B3GNT2: variants seen among roughly 807,000 people sequenced by gnomAD.
The protein encoded by B3GNT2 is N-acetyllactosaminide beta-1,3-N-acetylglucosaminyltransferase 2.
A neutral mutation model predicts 27.6 loss-of-function variants in B3GNT2; 12 were observed. That is an observed-to-expected ratio of 0.44 (90% CI 0.28 to 0.71). The LOEUF (loss-of-function observed/expected upper bound fraction) is 0.71. Among genes scored for constraint, B3GNT2 ranks in the 30% least tolerant of loss-of-function variants. B3GNT2 has a pLI of 0.17. For missense variants in B3GNT2, 413 were observed against 488.5 expected, an observed-to-expected ratio of 0.85 and a Z score of 1.46; for synonymous variants, 192 against 189.7, an observed-to-expected ratio of 1.01 and a Z score of -0.10.
rs746073536 is a variant in B3GNT2, at chr2:62,196,377, C to CCCCCGCCGGCTCCCT, written c.-10+29_-10+43dup. 651 of 152,656 alleles carry CCCCCGCCGGCTCCCT rather than the reference C, an allele frequency of 4.3e-3. 4 individuals are homozygous for CCCCCGCCGGCTCCCT. Among genetic ancestry groups the CCCCCGCCGGCTCCCT allele is most frequent in the Non-Finnish European group, 7.5e-3 (511 of 68,324 alleles). The allele number at this position is 152,656 out of a possible 1,614,324, so 9.5% of individuals were successfully genotyped here. A position where few individuals can be genotyped will look rare whatever the true frequency, so the allele number is the denominator to read the frequency against. ...CAAGGTAGGGCCCGGGCGCCGAGCA[C>CCCCCGCCGGCTCCCT]CCCCGCCGGCTCCCTCCCCGCTGCC... On this transcript the variant is annotated intron_variant, in intron 1 of 1. Transcript: ENST00000301998.
intron 1 of B3GNT2, among the ~76,000 whole-genome samples, chr2:62,218,260 G>A (rs759109055): frequency 1.3e-5 from 2 of 152,170 alleles, no homozygotes; most frequent in Admixed American, 6.5e-5. Context: ...CCTACTAGAA[G>A]CCGAGTTCTC....
intron 1 of B3GNT2, among the ~76,000 whole-genome samples, chr2:62,201,241 T>G (rs1271314176): frequency 1.3e-5 from 2 of 152,238 alleles, no homozygotes; most frequent in Non-Finnish European, 2.9e-5. Flanking sequence ...GATGTATTAT[T>G]TGTTAGTTGC....
At position 62,213,609 on chromosome 2, in the gene B3GNT2, C is replaced by T. The variant is rs558359793; in HGVS notation, c.-9-8603C>T. 4.1e-4 allele frequency among the ~76,000 whole-genome samples: 62 copies of T among 152,194 alleles called. 1 individual carries two copies. The Middle Eastern group carries it at 0.034, about 83-fold the overall frequency. ...GGGCTGACTGTGGGAAATGAGGGGG[C>T]GGCTGTACTTCTCACCCCAGTTTAC... On this transcript the variant is annotated intron_variant, in intron 1 of 1. Coordinates refer to ENST00000301998, the MANE Select transcript of B3GNT2 (RefSeq NM_006577.6).
intron 1 of B3GNT2, among the ~76,000 whole-genome samples, chr2:62,196,990 G>A (rs1202038194): frequency 6.6e-6 from 1 of 151,406 alleles, no homozygotes; most frequent in African/African-American, 2.4e-5. Flanking sequence ...CCCAAAACTG[G>A]TTTCTGCCAA....
At position 62,222,095 on chromosome 2, in the gene B3GNT2, T is replaced by C; in HGVS notation, c.-9-117T>C. 1.1e-6 allele frequency: 1 copy of C among 913,322 alleles called. No homozygotes were observed. 56.6% of individuals were successfully genotyped at this position (913,322 alleles called of 1,614,324 possible). A position where few individuals can be genotyped will look rare whatever the true frequency, so the allele number is the denominator to read the frequency against. On this transcript the variant is annotated intron_variant, in intron 1 of 1. Coordinates refer to ENST00000301998, the MANE Select transcript of B3GNT2 (RefSeq NM_006577.6). This position sits in a 1 kb window ranked among gnomAD's most constrained non-coding sequence, Gnocchi z 4.2. ...AGGGCCAAGATTTGAACCTAGGCAG[T>C]GCAAGTGTAGAGTCTTTGCTGTAAA...
chr2:62,218,255 T>C (rs1039273213), intron 1 of B3GNT2, among the ~76,000 whole-genome samples: 1 of 152,248 alleles, frequency 6.6e-6, no homozygotes, highest in Admixed American at 6.5e-5. Context: ...AAGAGCCTAC[T>C]AGAAGCCGAG....
At chr2:62,200,623 C>G (rs1674249504) in intron 1 of B3GNT2, among the ~76,000 whole-genome samples, 1 of 152,156 alleles carries the variant, frequency 6.6e-6, no homozygotes, top group South Asian at 2.1e-4. Flanking sequence ...TAAGCATGAG[C>G]TCATGTATGT....
chr2:62,199,021 A>G (rs1311426210), intron 1 of B3GNT2, among the ~76,000 whole-genome samples: 1 of 152,192 alleles, frequency 6.6e-6, no homozygotes, highest in African/African-American at 2.4e-5. Flanking sequence ...GCTCACTGCA[A>G]CCGCTGCCTC....
At chr2:62,218,099 A>G (rs965894643) in intron 1 of B3GNT2, among the ~76,000 whole-genome samples, 3 of 152,232 alleles carry the variant, frequency 2.0e-5, no homozygotes, top group Non-Finnish European at 4.4e-5. Flanking sequence ...TACGCAATGT[A>G]ACTTCCTGCT....
At chr2:62,199,966 G>GAACAAAGCTTCAGCAAAGA (rs1342211764) in intron 1 of B3GNT2, among the ~76,000 whole-genome samples, 58 of 152,312 alleles carry the variant, frequency 3.8e-4, no homozygotes, top group African/African-American at 1.3e-3. Context: ...TTGCCAGGCT[G>GAACAAAGCTTCAGCAAAGA]GAACCTGTTA....
chr2:62,209,936 A>G (rs1431210618), intron 1 of B3GNT2, among the ~76,000 whole-genome samples: 1 of 152,202 alleles, frequency 6.6e-6, no homozygotes, highest in Non-Finnish European at 1.5e-5. Flanking sequence ...ATCACAAAAC[A>G]TATCTGCAGG....
In B3GNT2 at chr2:62,223,915, T is replaced by C. The variant is rs1674774483; in HGVS notation, c.*501T>C. ...ATTGTCTAGAAAACTGAAATTTCAG[T>C]TGTCAGTTGTGGAATTCAGTTTTTC... On this transcript the variant is annotated 3_prime_UTR_variant, in exon 2 of 2. Coordinates refer to ENST00000301998, the MANE Select transcript of B3GNT2 (RefSeq NM_006577.6). 1 of 167,368 alleles carries C rather than the reference T, an allele frequency of 6.0e-6. No individual in the cohort carries two copies. Among genetic ancestry groups the C allele is most frequent in the Non-Finnish European group, 1.5e-5 (1 of 68,346 alleles). The allele number at this position is 167,368 out of a possible 1,614,324, so 10.4% of individuals were successfully genotyped here.
intron 1 of B3GNT2, among the ~76,000 whole-genome samples, chr2:62,208,915 C>T (rs896021305): frequency 1.3e-5 from 2 of 151,992 alleles, no homozygotes; most frequent in Admixed American, 1.3e-4. Flanking sequence ...GTGGTGGTAA[C>T]AGCAAGGGGG....
At chr2:62,209,588 G>A (rs755085310) in intron 1 of B3GNT2, among the ~76,000 whole-genome samples, 6 of 152,126 alleles carry the variant, frequency 3.9e-5, no homozygotes, top group Non-Finnish European at 7.4e-5. Flanking sequence ...AGACCAGATG[G>A]GGCAACACAG....
chr2:62,199,362 T>C (rs539060217), intron 1 of B3GNT2, among the ~76,000 whole-genome samples: 2 of 152,374 alleles, frequency 1.3e-5, no homozygotes, highest in Admixed American at 1.3e-4. Context: ...TCTGACTTGG[T>C]TAATGGATGT....
At chr2:62,217,902 TAAAC>T (rs1486721773) in intron 1 of B3GNT2, among the ~76,000 whole-genome samples, 2 of 152,232 alleles carry the variant, frequency 1.3e-5, no homozygotes, top group Non-Finnish European at 2.9e-5. Flanking sequence ...TTCATTTCAT[TAAAC>T]AAAACCAACT....
At position 62,222,656 on chromosome 2, in the gene B3GNT2, C is replaced by T. The variant is rs1237738873; in HGVS notation, c.436C>T (p.Leu146=). Residue 146 remains leucine, a synonymous_variant, in exon 2 of 2, where the codon CTG becomes TTG. Transcript: ENST00000301998. This position sits in a 1 kb window ranked among gnomAD's most constrained non-coding sequence, Gnocchi z 4.2. ...GTGTGCAAAGAAACCTTTCTTGTTG[C>T]TGGCGATTAAGTCCCTCACTCCACA... ...DKCAKKPFLL[L]AIKSLTPHFA... is the part of the protein sequence containing the mutation. The T allele has an allele frequency of 2.5e-6, 4 of 1,614,244 alleles. No homozygotes were observed. Among genetic ancestry groups the T allele is most frequent in the South Asian group, 1.1e-5 (1 of 91,088 alleles).
chr2:62,217,124 G>A (rs1236421415), intron 1 of B3GNT2, among the ~76,000 whole-genome samples: 6 of 152,358 alleles, frequency 3.9e-5, no homozygotes, highest in East Asian at 3.9e-4. Context: ...TGGTTGACTC[G>A]TAGTTTTGTG....
chr2:62,224,133 A>G lies in B3GNT2; in HGVS notation c.*719A>G, dbSNP rs1674779485. On this transcript the variant is annotated 3_prime_UTR_variant, in exon 2 of 2. Transcript: ENST00000301998. ...CATAGTGTAATTTTAGTATTTGAAA[A>G]TCAGTGTGATTCCTTAATGGCCAAC... is the stretch of plus-strand genomic sequence containing the variant. The G allele has an allele frequency of 6.0e-6, 1 of 167,028 alleles. No homozygotes were observed. Among genetic ancestry groups the G allele is most frequent in the Non-Finnish European group, 1.5e-5 (1 of 68,110 alleles). The allele number at this position is 167,028 out of a possible 1,614,324, so 10.3% of individuals were successfully genotyped here. A position where few individuals can be genotyped will look rare whatever the true frequency, so the allele number is the denominator to read the frequency against.
Sources: allele counts gnomAD v4.1 joint callset (sites outside exome capture counted in the v4.1 genomes callset), GRCh38; gene constraint gnomAD v4.1.1; non-coding constraint Gnocchi (gnomAD v3.1); transcripts MANE v1.5; gene names NCBI Gene and HGNC (gene_info 2026-07-23, HGNC 2026-07-21).